Variants in TRAPPC3L observed in about 807,000 individuals in gnomAD.
The protein encoded by TRAPPC3L is trafficking protein particle complex subunit 3-like protein.
TRAPPC3L carries 23 observed loss-of-function variants against 23.7 expected under a neutral mutation model. The ratio of observed to expected loss-of-function variants is 0.97; its 90% CI spans 0.70 to 1.37. The LOEUF (loss-of-function observed/expected upper bound fraction) is 1.37. Among genes scored for constraint, TRAPPC3L ranks in the 40% most tolerant of loss-of-function variants. TRAPPC3L has a pLI of 0.00. For missense variants in TRAPPC3L, 212 were observed against 216.8 expected, an observed-to-expected ratio of 0.98 and a Z score of 0.14; for synonymous variants, 81 against 77.9, an observed-to-expected ratio of 1.04 and a Z score of -0.21.
At chr6:116,503,800 A>T (rs180686565) in intron 3 of TRAPPC3L, among the ~76,000 whole-genome samples, 63 of 152,338 alleles carry the variant, frequency 4.1e-4, no homozygotes, top group Admixed American at 3.5e-3. Flanking sequence ...TGAAGGCAGA[A>T]ATAAAGATGT....
chr6:116,514,045 T>G (rs1302444323), intron 3 of TRAPPC3L, among the ~76,000 whole-genome samples: 1 of 152,140 alleles, frequency 6.6e-6, no homozygotes, highest in Non-Finnish European at 1.5e-5. Flanking sequence ...ACAGTATTTG[T>G]TCCAAGTCAA....
intron 3 of TRAPPC3L, among the ~76,000 whole-genome samples, chr6:116,536,353 T>TA (rs2115215300): frequency 6.6e-6 from 1 of 152,302 alleles, no homozygotes; most frequent in African/African-American, 2.4e-5. Flanking sequence ...TACTACTTGT[T>TA]AAAAGACATT....
chr6:116,504,109 T>A (rs1205795006), intron 3 of TRAPPC3L, among the ~76,000 whole-genome samples: 1 of 151,694 alleles, frequency 6.6e-6, no homozygotes, highest in Non-Finnish European at 1.5e-5. Context: ...TTTGAAAAGA[T>A]CAACAAAATA....
chr6:116,516,145 G>A (rs951073942), intron 3 of TRAPPC3L: 39 of 1,019,840 alleles, frequency 3.8e-5, no homozygotes, highest in Non-Finnish European at 5.3e-5. Flanking sequence ...AAGCTCTCAA[G>A]TGGAACATCA....
At chr6:116,501,452 AGT>A (rs777159851) in intron 3 of TRAPPC3L, among the ~76,000 whole-genome samples, 71 of 152,360 alleles carry the variant, frequency 4.7e-4, no homozygotes, top group South Asian at 1.2e-3. Context: ...TCTGAACAAA[AGT>A]CAGCAGAAAA....
At chr6:116,515,817 C>G (rs771090100) in intron 3 of TRAPPC3L, 1 of 1,613,988 alleles carries the variant, frequency 6.2e-7, no homozygotes, top group Non-Finnish European at 8.5e-7. Flanking sequence ...AGGCCAGATC[C>G]TTTTCCCATG....
At chr6:116,531,086 C>T (rs1320078782) in intron 3 of TRAPPC3L, among the ~76,000 whole-genome samples, 2 of 152,074 alleles carry the variant, frequency 1.3e-5, no homozygotes, top group Middle Eastern at 3.4e-3. Flanking sequence ...AATTATCCTG[C>T]CATTCTGGCC....
At chr6:116,530,075 A>C (rs1772603971) in intron 3 of TRAPPC3L, among the ~76,000 whole-genome samples, 1 of 152,202 alleles carries the variant, frequency 6.6e-6, no homozygotes, top group African/African-American at 2.4e-5. Flanking sequence ...ATCTAGACTT[A>C]GACCCAGAAT....
chr6:116,515,595 T>C (rs1385623599), intron 3 of TRAPPC3L: 3 of 1,599,296 alleles, frequency 1.9e-6, no homozygotes, highest in Non-Finnish European at 2.6e-6. Flanking sequence ...TTCTTTCTTC[T>C]TAAGATTCTA....
intron 3 of TRAPPC3L, among the ~76,000 whole-genome samples, chr6:116,528,852 G>A (rs534176178): frequency 6.6e-6 from 1 of 152,300 alleles, no homozygotes; most frequent in East Asian, 1.9e-4. Context: ...AATTCAATAG[G>A]CTCTTACAAT....
At chr6:116,500,329 T>C (rs900701117) in intron 4 of TRAPPC3L, among the ~76,000 whole-genome samples, 152 bp downstream of exon 4, 2 of 152,258 alleles carry the variant, frequency 1.3e-5, no homozygotes, top group African/African-American at 4.8e-5. Context: ...AAACGTTTGT[T>C]TTTTTAAGCT....
Position 116,496,995 on chromosome 6 carries a change from G to A in TRAPPC3L, c.505C>T (p.Leu169=). The change falls in exon 5 of 5, where the codon CTA becomes TTA. Residue 169 remains leucine (L), a synonymous_variant. Coordinates refer to ENST00000368602, the MANE Select transcript of TRAPPC3L (RefSeq NM_001139444.3). ...DSVTEIGITF[L]KKRDEKKYRG... Reference sequence around the variant, plus strand: ...TATTTTTTCTCGTCTCGCTTTTTTAGAAATGTTATTCCTATTTCTGTCACA... The same window carrying A: ...TATTTTTTCTCGTCTCGCTTTTTTAAAAATGTTATTCCTATTTCTGTCACA... 6.5e-7 allele frequency: 1 copy of A among 1,544,220 alleles called. No homozygotes were observed. Among genetic ancestry groups the A allele is most frequent in the East Asian group, 2.5e-5 (1 of 40,634 alleles).
At chr6:116,533,676 G>T (rs1184065775) in intron 3 of TRAPPC3L, among the ~76,000 whole-genome samples, 1 of 152,154 alleles carries the variant, frequency 6.6e-6, no homozygotes, top group Non-Finnish European at 1.5e-5. Flanking sequence ...TACTTGTAAC[G>T]CTAGAGCTCC....
intron 3 of TRAPPC3L, among the ~76,000 whole-genome samples, chr6:116,534,262 A>C (rs759855507): frequency 7.2e-5 from 11 of 152,264 alleles, no homozygotes; most frequent in Non-Finnish European, 1.2e-4. Flanking sequence ...CCCTCTGAAA[A>C]TGTCTAATAA....
chr6:116,540,478 A>G lies in TRAPPC3L; in HGVS notation c.141-16T>C. On this transcript the variant is annotated splice_polypyrimidine_tract_variant and intron_variant, in intron 2 of 4. Coordinates refer to ENST00000368602, the MANE Select transcript of TRAPPC3L (RefSeq NM_001139444.3). Reference sequence around the variant, plus strand: ...GCCGTAACCCCTGTGGATGACGGAAAGAGTGTGGTCTGAAAATTCTAAGAA... The same window carrying G: ...GCCGTAACCCCTGTGGATGACGGAAGGAGTGTGGTCTGAAAATTCTAAGAA... 6.5e-7 allele frequency: 1 copy of G among 1,549,632 alleles called. No individual in the cohort carries two copies. The highest frequency in any genetic ancestry group is 1.7e-4 in the Middle Eastern group (1 of 5,982).
At chr6:116,542,121 G>T (rs1304902844) in intron 2 of TRAPPC3L, among the ~76,000 whole-genome samples, 1 of 152,068 alleles carries the variant, frequency 6.6e-6, no homozygotes, top group Non-Finnish European at 1.5e-5. Context: ...ATAAAATGAA[G>T]TAATTTCTGG....
chr6:116,533,768 C>T (rs577094817), intron 3 of TRAPPC3L, among the ~76,000 whole-genome samples: 2 of 151,926 alleles, frequency 1.3e-5, no homozygotes, highest in South Asian at 4.1e-4. Flanking sequence ...CTGTCTCTAG[C>T]GTGCCTTTTG....
At chr6:116,520,341 T>A (rs950058486) in intron 3 of TRAPPC3L, 1 of 152,214 alleles carries the variant, frequency 6.6e-6, no homozygotes, top group Non-Finnish European at 1.5e-5. Flanking sequence ...GGTAATTATC[T>A]TAATTTTCTA....
intron 3 of TRAPPC3L, among the ~76,000 whole-genome samples, chr6:116,507,425 A>C (rs1031649578): frequency 6.6e-6 from 1 of 152,144 alleles, no homozygotes; most frequent in African/African-American, 2.4e-5. Context: ...TTAGATAGAA[A>C]ATTCTAGAAG....
Sources: allele counts gnomAD v4.1 joint callset (sites outside exome capture counted in the v4.1 genomes callset), GRCh38; gene constraint gnomAD v4.1.1; transcripts MANE v1.5; gene names NCBI Gene and HGNC (gene_info 2026-07-23, HGNC 2026-07-21).